The following KCNIP3 variants were observed in gnomAD, a reference collection of about 807,000 sequenced individuals.
KCNIP3 encodes potassium voltage-gated channel interacting protein 3, also known as calsenilin.
A neutral mutation model predicts 35.0 loss-of-function variants in KCNIP3; 28 were observed. The observed-to-expected ratio is 0.80, with a 90% CI of 0.59 to 1.10. The LOEUF is 1.10. Among genes scored for constraint, KCNIP3 ranks in the 50% least tolerant of loss-of-function variants. The probability of loss-of-function intolerance (pLI) is 0.00; values close to 1 mark genes in which losing one functional copy is unlikely to be tolerated. For missense variants in KCNIP3, 295 were observed against 338.4 expected (o/e 0.87, Z 1.01); for synonymous variants, 134 against 133.8 (o/e 1.00, Z -0.01).
chr2:95,331,265 T>C (rs527486785), intron 2 of KCNIP3, among the ~76,000 whole-genome samples: 1 of 152,274 alleles, frequency 6.6e-6, no homozygotes, highest in South Asian at 2.1e-4. Context: ...TGGGTGTCTG[T>C]TGCGTGAGAA....
intron 2 of KCNIP3, among the ~76,000 whole-genome samples, chr2:95,351,943 G>A (rs1415756214): frequency 2.0e-5 from 3 of 152,164 alleles, no homozygotes; most frequent in Admixed American, 6.5e-5. Flanking sequence ...ATATAGCACT[G>A]TGAGACTGGG....
At chr2:95,307,467 T>TA (rs1353482467) in intron 1 of KCNIP3, among the ~76,000 whole-genome samples, 2 of 152,330 alleles carry the variant, frequency 1.3e-5, no homozygotes, top group African/African-American at 4.8e-5. Flanking sequence ...CTCAGGGAAT[T>TA]AGTTTCCTCA....
At chr2:95,379,240 T>G (rs1379839454) in intron 5 of KCNIP3, among the ~76,000 whole-genome samples, 2 of 152,206 alleles carry the variant, frequency 1.3e-5, no homozygotes, top group African/African-American at 4.8e-5. Flanking sequence ...TTACTCTGAT[T>G]TGTGAACTGG....
Position 95,366,583 on chromosome 2 carries a change from T to A in KCNIP3, c.182-7713T>A, listed in dbSNP as rs1392989007. ...GCTGGGTCTTATGGGAAGAGCCTCT[T>A]TATAAGAAAGTGGCAACGTGATTTC... On this transcript the variant is annotated intron_variant, in intron 2 of 8. Transcript: ENST00000295225. Among the ~76,000 whole-genome samples the A allele has an allele frequency of 2.6e-5, 4 of 152,176 alleles. No homozygotes were observed. In the East Asian group the frequency reaches 7.7e-4, roughly 29 times the overall value.
chr2:95,324,563 G>A (rs1347254507), intron 2 of KCNIP3, among the ~76,000 whole-genome samples: 20 of 86,640 alleles, frequency 2.3e-4, no homozygotes, highest in Admixed American at 1.2e-4. Flanking sequence ...TAAAAATAAC[G>A]TGAGTAGTTT....
chr2:95,380,929 T>A (rs1298191563), intron 5 of KCNIP3, among the ~76,000 whole-genome samples: 3 of 152,134 alleles, frequency 2.0e-5, no homozygotes, highest in Admixed American at 1.3e-4. Flanking sequence ...GGAGGATCGC[T>A]TGAGCCTGGG....
intron 1 of KCNIP3, among the ~76,000 whole-genome samples, chr2:95,301,079 C>T (rs949314610): frequency 6.6e-6 from 1 of 152,186 alleles, no homozygotes; most frequent in South Asian, 2.1e-4. Context: ...GTGCCCAGCT[C>T]TGTCGTGGGA....
At chr2:95,331,563 C>T (rs551072134) in intron 2 of KCNIP3, among the ~76,000 whole-genome samples, 6 of 152,196 alleles carry the variant, frequency 3.9e-5, no homozygotes, top group African/African-American at 7.2e-5. Flanking sequence ...CAGTCGTGCA[C>T]GCTGATGTCT....
chr2:95,337,226 G>A (rs922356458), intron 2 of KCNIP3, among the ~76,000 whole-genome samples: 3 of 152,172 alleles, frequency 2.0e-5, no homozygotes, highest in Non-Finnish European at 2.9e-5. Flanking sequence ...AGTAAACTGC[G>A]GGGTCCATTC....
chr2:95,324,806 G>A (rs1425868040), intron 2 of KCNIP3, among the ~76,000 whole-genome samples: 1 of 152,134 alleles, frequency 6.6e-6, no homozygotes, highest in East Asian at 1.9e-4. Flanking sequence ...AGCTACTCGG[G>A]AGGTTGAGGC....
chr2:95,325,614 TACACAC>T (rs548674014), intron 2 of KCNIP3, among the ~76,000 whole-genome samples: 1 of 149,366 alleles, frequency 6.7e-6, no homozygotes, highest in African/African-American at 2.5e-5. Context: ...CATACACACG[TACACAC>T]ACACACTCAC....
At chr2:95,371,630 T>C (rs957842604) in intron 2 of KCNIP3, among the ~76,000 whole-genome samples, 6 of 152,200 alleles carry the variant, frequency 3.9e-5, no homozygotes, top group African/African-American at 1.4e-4. Flanking sequence ...CTTCCAATTA[T>C]GATTGTGACT....
At chr2:95,336,658 A>G (rs1343706397) in intron 2 of KCNIP3, among the ~76,000 whole-genome samples, 2 of 152,176 alleles carry the variant, frequency 1.3e-5, no homozygotes, top group Admixed American at 6.5e-5. Flanking sequence ...TTACCTCCCT[A>G]TAAAGAGCAT....
At chr2:95,297,539 G>T in intron 1 of KCNIP3, 86 bp downstream of exon 1, 2 of 1,121,026 alleles carry the variant, frequency 1.8e-6, no homozygotes, top group Non-Finnish European at 2.6e-6. Context: ...GGACCAGGAA[G>T]CCTTTTTCTT....
At chr2:95,325,925 T>TCATACA (rs371533156) in intron 2 of KCNIP3, among the ~76,000 whole-genome samples, 1 of 133,252 alleles carries the variant, frequency 7.5e-6, no homozygotes. Context: ...ACATACACAC[T>TCATACA]CATACACATA....
intron 2 of KCNIP3, among the ~76,000 whole-genome samples, chr2:95,356,204 T>A (rs1420849006): frequency 6.6e-6 from 1 of 152,226 alleles, no homozygotes; most frequent in Non-Finnish European, 1.5e-5. Flanking sequence ...TTTGTTTTTT[T>A]TTCTTGTAAA....
At chr2:95,309,136 C>A (rs896743415) in intron 1 of KCNIP3, among the ~76,000 whole-genome samples, 3 of 152,130 alleles carry the variant, frequency 2.0e-5, no homozygotes, top group African/African-American at 7.2e-5. Context: ...ATGGGCCAGA[C>A]CACACCTGTC....
At chr2:95,358,693 G>A (rs1460587188) in intron 2 of KCNIP3, among the ~76,000 whole-genome samples, 8 of 152,204 alleles carry the variant, frequency 5.3e-5, no homozygotes, top group African/African-American at 1.4e-4. Context: ...ATAACATGGC[G>A]GAAAGCATCA....
At chr2:95,327,537 G>A (rs1573493474) in intron 2 of KCNIP3, among the ~76,000 whole-genome samples, 1 of 152,314 alleles carries the variant, frequency 6.6e-6, no homozygotes, top group Non-Finnish European at 1.5e-5. Context: ...AGCCACAGTT[G>A]ATGTGGCTTC....
Sources: gnomAD v4.1 joint callset for allele counts (sites outside exome capture counted in the v4.1 genomes callset) on GRCh38, gnomAD v4.1.1 for gene constraint, MANE v1.5 for transcripts, NCBI Gene and HGNC (gene_info 2026-07-23, HGNC 2026-07-21) for gene names.